The following FRMD4A variants were observed in gnomAD, a reference collection of about 807,000 sequenced individuals.
FRMD4A encodes FERM domain containing 4A.
Under a neutral mutation model 129.1 loss-of-function variants are expected in FRMD4A, and 29 were observed. The observed-to-expected ratio is 0.22, with a 90% CI of 0.17 to 0.31. FRMD4A has a LOEUF of 0.31. Ranked by LOEUF, FRMD4A falls within the 10% of genes least tolerant of loss-of-function variation. The probability of loss-of-function intolerance (pLI) is 1.00; values close to 1 mark genes in which losing one functional copy is unlikely to be tolerated. For missense variants in FRMD4A, 1,272 were observed against 1,375.8 expected, an observed-to-expected ratio of 0.92 and a Z score of 1.19; for synonymous variants, 634 against 571.6, an observed-to-expected ratio of 1.11 and a Z score of -1.56.
Position 13,774,715 on chromosome 10 carries a change from C to CTGCT in FRMD4A, c.384+8203_384+8206dup, listed in dbSNP as rs776096089. 6.8e-4 allele frequency among the ~76,000 whole-genome samples: 103 copies of CTGCT among 152,284 alleles called. 1 individual carries two copies. Among genetic ancestry groups the CTGCT allele is most frequent in the South Asian group, 1.2e-3 (6 of 4,822 alleles). On this transcript the variant is annotated intron_variant, in intron 6 of 24. Transcript: ENST00000357447. Reference sequence around the variant, plus strand: ...ACCATCCCACCCTGAAATGGAGCATCTGCTTAGTTTCTAAGTGTGAAGCAA... The same window carrying CTGCT: ...ACCATCCCACCCTGAAATGGAGCATCTGCTTGCTTAGTTTCTAAGTGTGAAGCAA...
intron 2 of FRMD4A, among the ~76,000 whole-genome samples, chr10:14,099,866 A>T (rs1213566669): frequency 6.6e-6 from 1 of 152,090 alleles, no homozygotes; most frequent in Non-Finnish European, 1.5e-5. Flanking sequence ...GGCTCAAGTG[A>T]TCTTCCAGTC....
At position 13,941,259 on chromosome 10, in the gene FRMD4A, A is replaced by C. The variant is rs1405256433; in HGVS notation, c.46-82347T>G. On this transcript the variant is annotated intron_variant, in intron 2 of 24. Transcript: ENST00000357447. ...AAGTCTCACAAGATCTGATGGTTTT[A>C]TAAGGGGAAACCCCTTTTGCTTGGC... Among the ~76,000 whole-genome samples, 6 of 152,172 alleles carry C rather than the reference A, an allele frequency of 3.9e-5. No homozygotes were observed. In the South Asian group the frequency reaches 1.2e-3, roughly 31 times the overall value.
intron 2 of FRMD4A, among the ~76,000 whole-genome samples, chr10:14,324,359 A>G (rs1183011785): frequency 6.6e-6 from 1 of 152,192 alleles, no homozygotes; most frequent in Non-Finnish European, 1.5e-5. Flanking sequence ...ACTGACTTGG[A>G]GGTAACAATG....
At chr10:14,137,660 A>G (rs780074047) in intron 2 of FRMD4A, among the ~76,000 whole-genome samples, 25 of 152,058 alleles carry the variant, frequency 1.6e-4, no homozygotes, top group Non-Finnish European at 3.2e-4. Flanking sequence ...CCCCCACCCC[A>G]GTTTCCTTGA....
intron 2 of FRMD4A, among the ~76,000 whole-genome samples, chr10:14,035,327 G>T (rs566721354): frequency 1.2e-3 from 179 of 151,642 alleles, no homozygotes; most frequent in African/African-American, 4.3e-3. Context: ...CGGGAGGACT[G>T]CATGAATCCG....
chr10:13,707,534 G>A (rs2087588560), intron 12 of FRMD4A: 6 of 1,003,376 alleles, frequency 6.0e-6, no homozygotes, highest in Non-Finnish European at 7.1e-6. Context: ...GCGCTCAGGA[G>A]GGAGCGGTAG....
chr10:14,142,664 G>T (rs996090301), intron 2 of FRMD4A, among the ~76,000 whole-genome samples: 27 of 152,192 alleles, frequency 1.8e-4, no homozygotes, highest in African/African-American at 6.5e-4. Flanking sequence ...TATAGATGAG[G>T]GAAACTGAGT....
chr10:13,944,395 C>A (rs1277527525), intron 2 of FRMD4A, among the ~76,000 whole-genome samples: 1 of 151,990 alleles, frequency 6.6e-6, no homozygotes, highest in Non-Finnish European at 1.5e-5. Flanking sequence ...TCAGGTGGGA[C>A]CATCTAGTAG....
intron 2 of FRMD4A, among the ~76,000 whole-genome samples, chr10:13,927,451 A>G (rs1431640265): frequency 1.3e-5 from 2 of 152,194 alleles, no homozygotes; most frequent in Non-Finnish European, 2.9e-5. Flanking sequence ...TGAATCATAT[A>G]TTGGTATCTG....
intron 2 of FRMD4A, among the ~76,000 whole-genome samples, chr10:13,956,935 C>T (rs1238898567): frequency 6.6e-6 from 1 of 152,220 alleles, no homozygotes; most frequent in Non-Finnish European, 1.5e-5. Context: ...ATAAGTTCCA[C>T]ATTTGTTCTG....
chr10:13,813,741 A>G (rs933830574), intron 3 of FRMD4A, among the ~76,000 whole-genome samples: 8 of 152,224 alleles, frequency 5.3e-5, no homozygotes, highest in Non-Finnish European at 1.0e-4. Flanking sequence ...TTGTGACTGT[A>G]TGGCTGAGCA....
chr10:14,280,449 T>C (rs1845480489), intron 2 of FRMD4A, among the ~76,000 whole-genome samples: 1 of 152,136 alleles, frequency 6.6e-6, no homozygotes, highest in Non-Finnish European at 1.5e-5. Flanking sequence ...ACTGTAAAAT[T>C]CTTTATCTCT....
intron 2 of FRMD4A, among the ~76,000 whole-genome samples, chr10:14,121,283 G>A (rs1838499720): frequency 6.6e-6 from 1 of 152,202 alleles, no homozygotes; most frequent in African/African-American, 2.4e-5. Context: ...CAGGAGAATT[G>A]CCTGAACCTG....
intron 2 of FRMD4A, among the ~76,000 whole-genome samples, chr10:14,010,761 C>T (rs1384658825): frequency 5.5e-5 from 8 of 145,008 alleles, no homozygotes; most frequent in African/African-American, 7.5e-5. Context: ...CTCCTCGCTT[C>T]GGCCCCCCAA....
rs61167438 is a variant in FRMD4A at position 14,066,008 on chromosome 10, T to TTGTGTGTGTGTGTGTG, written c.46-207112_46-207097dup. Among the ~76,000 whole-genome samples the TTGTGTGTGTGTGTGTG allele has an allele frequency of 3.0e-3, 413 of 139,208 alleles. 6 individuals carry two copies. The highest frequency in any genetic ancestry group is 0.016 in the East Asian group (72 of 4,534). 91.3% of individuals were successfully genotyped at this position (139,208 alleles called of 152,430 possible). ...GGAAGTATGAAGTGGGGGTATGTAT[T>TTGTGTGTGTGTGTGTG]TGTGTGTGTGTGTGTGTGTGTGTGT... is the stretch of plus-strand genomic sequence containing the variant. On this transcript the variant is annotated intron_variant, in intron 2 of 24. Coordinates refer to ENST00000357447, the MANE Select transcript of FRMD4A (RefSeq NM_018027.5).
Position 13,834,654 on chromosome 10 carries a change from G to A in FRMD4A, c.112-23746C>T, listed in dbSNP as rs565454621. 2.3e-4 allele frequency among the ~76,000 whole-genome samples: 35 copies of A among 152,320 alleles called. 1 individual carries two copies. The South Asian group carries it at 6.8e-3, about 30-fold the overall frequency. Reference sequence around the variant, plus strand: ...CGAAATTGATGCGTCTGAAATTTCTGGTCCAGAGAGTCATCTTCAGCATTA... The same window carrying A: ...CGAAATTGATGCGTCTGAAATTTCTAGTCCAGAGAGTCATCTTCAGCATTA... On this transcript the variant is annotated intron_variant, in intron 3 of 24. Transcript: ENST00000357447.
intron 2 of FRMD4A, among the ~76,000 whole-genome samples, chr10:13,894,948 G>A (rs879688303): frequency 1.3e-5 from 2 of 152,208 alleles, no homozygotes; most frequent in African/African-American, 4.8e-5. Context: ...CTGTGCCTCA[G>A]TTGAGAACAC....
intron 4 of FRMD4A, among the ~76,000 whole-genome samples, chr10:13,806,553 G>A (rs2093360229): frequency 6.6e-6 from 1 of 152,122 alleles, no homozygotes; most frequent in Non-Finnish European, 1.5e-5. Flanking sequence ...AACATTCAAC[G>A]CTGAAGTAGA....
intron 4 of FRMD4A, among the ~76,000 whole-genome samples, chr10:13,808,063 T>C (rs1326094648): frequency 6.6e-6 from 1 of 152,226 alleles, no homozygotes; most frequent in East Asian, 1.9e-4. Context: ...CCTCCCAAAG[T>C]GCTGGGATTA....
Sources: allele counts gnomAD v4.1 joint callset (sites outside exome capture counted in the v4.1 genomes callset), GRCh38; gene constraint gnomAD v4.1.1; transcripts MANE v1.5; gene names NCBI Gene and HGNC (gene_info 2026-07-23, HGNC 2026-07-21).